The following KIF6 variants were observed in gnomAD, a reference collection of about 807,000 sequenced individuals.
KIF6 encodes the protein kinesin-like protein KIF6.
Under a neutral mutation model 112.7 loss-of-function variants are expected in KIF6, and 106 were observed. That is an observed-to-expected ratio of 0.94 (90% CI 0.80 to 1.11). The LOEUF (loss-of-function observed/expected upper bound fraction) is 1.11, where lower values mean the gene tolerates loss of function less well. KIF6 is among the 50% of genes least tolerant of loss of function. The pLI is 0.00. For missense variants in KIF6, 929 were observed against 964.0 expected (o/e 0.96, Z 0.48); for synonymous variants, 339 against 339.9 (o/e 1.00, Z 0.03).
chr6:39,468,242 C>T (rs1299875778), intron 13 of KIF6, among the ~76,000 whole-genome samples: 1 of 151,086 alleles, frequency 6.6e-6, no homozygotes, highest in Non-Finnish European at 1.5e-5. Context: ...CCACTGAGGA[C>T]ACCAGGATAC....
At chr6:39,558,547 T>C (rs1779841873) in intron 10 of KIF6, among the ~76,000 whole-genome samples, 1 of 152,150 alleles carries the variant, frequency 6.6e-6, no homozygotes, top group Admixed American at 6.5e-5. Flanking sequence ...ATATTCTTGG[T>C]TGTGATGAAG....
In KIF6 at chr6:39,337,235, CT is replaced by C. The variant is rs758188254; in HGVS notation, c.2429-688del. 4.2e-3 allele frequency among the ~76,000 whole-genome samples: 320 copies of C among 76,382 alleles called. 11 individuals carry two copies. Among genetic ancestry groups the C allele is most frequent in the African/African-American group, 0.014 (243 of 17,304 alleles). 50.1% of individuals were successfully genotyped at this position (76,382 alleles called of 152,430 possible). ...TCTTTCTTTCTTTCTTTCTTTCTTTCTTTTTCTTTCTTTTCTTTCCCTCCCT... is the reference window on the plus strand; with the variant it reads ...TCTTTCTTTCTTTCTTTCTTTCTTTCTTTTCTTTCTTTTCTTTCCCTCCCT... On this transcript the variant is annotated intron_variant, in intron 22 of 22. Transcript: ENST00000287152.
At chr6:39,461,126 A>G (rs1773447260) in intron 13 of KIF6, among the ~76,000 whole-genome samples, 1 of 152,212 alleles carries the variant, frequency 6.6e-6, no homozygotes, top group South Asian at 2.1e-4. Flanking sequence ...GTTAGCCTTA[A>G]GTTAGGATTT....
intron 3 of KIF6, among the ~76,000 whole-genome samples, chr6:39,643,646 C>T (rs1441985841): frequency 1.3e-5 from 2 of 152,102 alleles, no homozygotes; most frequent in East Asian, 3.8e-4. Context: ...TGGACCTCTA[C>T]CTCAGGCCAT....
intron 16 of KIF6, among the ~76,000 whole-genome samples, chr6:39,377,031 A>C (rs1293000571): frequency 6.6e-6 from 1 of 152,118 alleles, no homozygotes; most frequent in African/African-American, 2.4e-5. Flanking sequence ...TTTGCAGACC[A>C]CTGGGCTAGA....
chr6:39,502,517 G>T (rs1776191631), intron 13 of KIF6, among the ~76,000 whole-genome samples: 2 of 152,086 alleles, frequency 1.3e-5, no homozygotes, highest in African/African-American at 2.4e-5. Flanking sequence ...GTGCAAATGG[G>T]CTAAATGCCC....
chr6:39,426,573 G>A (rs554763740), intron 14 of KIF6, among the ~76,000 whole-genome samples: 4 of 152,278 alleles, frequency 2.6e-5, no homozygotes, highest in African/African-American at 9.6e-5. Context: ...TGGCAACACA[G>A]AGGGACCTCA....
At chr6:39,558,335 C>T (rs1451295898) in intron 10 of KIF6, among the ~76,000 whole-genome samples, 1 of 152,076 alleles carries the variant, frequency 6.6e-6, no homozygotes, top group African/African-American at 2.4e-5. Context: ...CTATCAGGAA[C>T]CAGGTGTTAG....
intron 10 of KIF6, among the ~76,000 whole-genome samples, chr6:39,575,630 G>A (rs1279621788): frequency 6.6e-6 from 1 of 152,164 alleles, no homozygotes; most frequent in African/African-American, 2.4e-5. Flanking sequence ...ACAGCAACTG[G>A]TCTTCAGAAC....
In KIF6 at chr6:39,443,170, A is replaced by AAAACT. The variant is rs1554217834; in HGVS notation, c.1646-12010_1646-12009insAGTTT. Among the ~76,000 whole-genome samples the AAAACT allele has an allele frequency of 6.9e-3, 854 of 123,498 alleles. 11 individuals carry two copies. Among genetic ancestry groups the AAAACT allele is most frequent in the East Asian group, 0.025 (116 of 4,732 alleles). 81.0% of individuals were successfully genotyped at this position (123,498 alleles called of 152,430 possible). ...AATAATAATAATAATAAATAAAAAT[A>AAAACT]AAAAAAAGAAAGAGGCTCCAGATTC... On this transcript the variant is annotated intron_variant, in intron 13 of 22. Transcript: ENST00000287152.
intron 13 of KIF6, among the ~76,000 whole-genome samples, chr6:39,491,784 A>G (rs1278530993): frequency 6.6e-6 from 1 of 152,164 alleles, no homozygotes. Context: ...CTTTTTATGT[A>G]GTAGTGGGAA....
intron 13 of KIF6, among the ~76,000 whole-genome samples, chr6:39,453,637 A>G (rs1387206075): frequency 6.6e-6 from 1 of 152,194 alleles, no homozygotes; most frequent in Non-Finnish European, 1.5e-5. Context: ...CCATTAATCG[A>G]TCACCCAATA....
chr6:39,346,104 C>CCCCT (rs1562113102), intron 20 of KIF6, among the ~76,000 whole-genome samples: 11 of 40,984 alleles, frequency 2.7e-4, no homozygotes, highest in African/African-American at 1.4e-3. Flanking sequence ...TCTCCCTCCC[C>CCCCT]CCCTCCCTCT....
At chr6:39,402,406 C>A (rs1768774687) in intron 15 of KIF6, among the ~76,000 whole-genome samples, 1 of 152,082 alleles carries the variant, frequency 6.6e-6, no homozygotes, top group African/African-American at 2.4e-5. Context: ...TTTAGGAAGT[C>A]AGGGAGAGAC....
At chr6:39,448,157 A>G (rs1772447204) in intron 13 of KIF6, among the ~76,000 whole-genome samples, 1 of 152,092 alleles carries the variant, frequency 6.6e-6, no homozygotes, top group African/African-American at 2.4e-5. Context: ...TTCATGCAAT[A>G]TGAACAAAAA....
intron 15 of KIF6, among the ~76,000 whole-genome samples, chr6:39,403,672 T>C (rs1172569987): frequency 6.6e-6 from 1 of 152,232 alleles, no homozygotes; most frequent in Non-Finnish European, 1.5e-5. Context: ...GGTAGGTAGT[T>C]GGCTTGTATG....
intron 15 of KIF6, among the ~76,000 whole-genome samples, chr6:39,418,043 A>C (rs1311969740): frequency 2.1e-5 from 2 of 94,264 alleles, no homozygotes; most frequent in East Asian, 6.5e-4. Flanking sequence ...ATCACTGCCC[A>C]CTGTCTGGGA....
intron 13 of KIF6, among the ~76,000 whole-genome samples, chr6:39,460,377 G>T (rs1245930518): frequency 3.3e-5 from 3 of 91,866 alleles, no homozygotes; most frequent in Admixed American, 1.2e-4. Context: ...ACTGTGGTGG[G>T]GTGGGGGGAG....
At chr6:39,529,690 G>T (rs748693134) in intron 13 of KIF6, among the ~76,000 whole-genome samples, 12 of 152,134 alleles carry the variant, frequency 7.9e-5, no homozygotes, top group Non-Finnish European at 1.5e-4. Flanking sequence ...GGGAGGGTGA[G>T]GCAGGAGAAT....
Sources: allele counts gnomAD v4.1 joint callset (sites outside exome capture counted in the v4.1 genomes callset), GRCh38; gene constraint gnomAD v4.1.1; transcripts MANE v1.5; gene names NCBI Gene and HGNC (gene_info 2026-07-23, HGNC 2026-07-21).